XKR9: variants seen among roughly 807,000 people sequenced by gnomAD.
XKR9 encodes the protein XK-related protein 9.
In XKR9, 32 loss-of-function variants were observed where a neutral mutation model predicts 32.0. The observed-to-expected ratio is 1.00, with a 90% CI of 0.76 to 1.34. The LOEUF (loss-of-function observed/expected upper bound fraction) is 1.34, where lower values mean the gene tolerates loss of function less well. XKR9 is among the 40% of genes most tolerant of loss of function. The probability of loss-of-function intolerance (pLI) is 0.00; values close to 1 mark genes in which losing one functional copy is unlikely to be tolerated. For missense variants in XKR9, 546 were observed against 429.7 expected, an observed-to-expected ratio of 1.27 and a Z score of -2.39; for synonymous variants, 168 against 143.4, an observed-to-expected ratio of 1.17 and a Z score of -1.22.
At chr8:70,707,244 A>G in intron 4 of XKR9, 91 bp downstream of exon 4, 3 of 924,836 alleles carry the variant, frequency 3.2e-6, no homozygotes, top group South Asian at 1.9e-5. Context: ...GAAATTTTTA[A>G]TACTTTAAAA....
chr8:70,755,721 G>T (rs1305519052), intron 2 of XKR9, among the ~76,000 whole-genome samples: 1 of 142,534 alleles, frequency 7.0e-6, no homozygotes, highest in Non-Finnish European at 1.5e-5. Flanking sequence ...AGAACCCATG[G>T]ACACGGGAAG....
chr8:70,888,154 A>G, the XKR9 span, among the ~76,000 whole-genome samples: 3 of 152,028 alleles, frequency 2.0e-5, no homozygotes, highest in East Asian at 5.8e-4. Flanking sequence ...ACTTATTCCA[A>G]CTATCTAGCT....
the XKR9 span, among the ~76,000 whole-genome samples, chr8:70,846,888 T>C: frequency 1.3e-5 from 2 of 152,150 alleles, no homozygotes; most frequent in East Asian, 1.9e-4. Flanking sequence ...ACAATAGTTA[T>C]TGGGGACTGC....
intron 3 of XKR9, among the ~76,000 whole-genome samples, chr8:70,703,255 T>A (rs1805602736): frequency 6.6e-6 from 1 of 152,176 alleles, no homozygotes; most frequent in Non-Finnish European, 1.5e-5. Flanking sequence ...TCCTAAAATT[T>A]TCCCCTTTGT....
At chr8:70,752,864 A>C (rs1165393073) in intron 2 of XKR9, among the ~76,000 whole-genome samples, 1 of 152,242 alleles carries the variant, frequency 6.6e-6, no homozygotes, top group Non-Finnish European at 1.5e-5. Flanking sequence ...GAACTAGAAA[A>C]GCAAGAGCAA....
the XKR9 span, among the ~76,000 whole-genome samples, chr8:71,022,948 T>C: frequency 2.6e-5 from 4 of 152,156 alleles, no homozygotes; most frequent in African/African-American, 9.7e-5. Context: ...GCTTTGTTTT[T>C]TTTTAATGAT....
chr8:71,056,031 A>C, the XKR9 span, among the ~76,000 whole-genome samples: 1 of 152,190 alleles, frequency 6.6e-6, no homozygotes, highest in Non-Finnish European at 1.5e-5. Context: ...TTAACCTGCC[A>C]AAAGATGGTC....
At chr8:70,836,622 T>G in the XKR9 span, among the ~76,000 whole-genome samples, 1 of 152,114 alleles carries the variant, frequency 6.6e-6, no homozygotes, top group Non-Finnish European at 1.5e-5. Flanking sequence ...TTTGGGGTTT[T>G]TTTTTGCTTA....
At chr8:70,721,786 G>T (rs1806290176) in intron 4 of XKR9, among the ~76,000 whole-genome samples, 1 of 152,180 alleles carries the variant, frequency 6.6e-6, no homozygotes, top group Non-Finnish European at 1.5e-5. Flanking sequence ...CTGTTGATTT[G>T]GGGTGGAGAA....
chr8:70,855,100 A>T, the XKR9 span, among the ~76,000 whole-genome samples: 2 of 152,038 alleles, frequency 1.3e-5, no homozygotes, highest in Non-Finnish European at 1.5e-5. Context: ...TGAATCTATA[A>T]ATTACCTTGG....
chr8:70,836,701 T>G, the XKR9 span, among the ~76,000 whole-genome samples: 1 of 152,178 alleles, frequency 6.6e-6, no homozygotes, highest in Admixed American at 6.6e-5. Context: ...GCATTCATAT[T>G]TCTTGGGCAA....
intron 4 of XKR9, among the ~76,000 whole-genome samples, chr8:70,732,356 C>G (rs529095914): frequency 2.6e-5 from 4 of 152,342 alleles, no homozygotes; most frequent in Non-Finnish European, 5.9e-5. Context: ...CTCACCAGGA[C>G]TATTTCCGTA....
the XKR9 span, among the ~76,000 whole-genome samples, chr8:70,921,851 C>A: frequency 5.3e-5 from 8 of 152,132 alleles, no homozygotes; most frequent in Admixed American, 5.2e-4. Context: ...ACACCAGATA[C>A]CCTTTTTTTC....
chr8:70,933,438 T>C, the XKR9 span, among the ~76,000 whole-genome samples: 1 of 147,748 alleles, frequency 6.8e-6, no homozygotes, highest in Non-Finnish European at 1.5e-5. Context: ...GAAGAACAGT[T>C]TTTTTTTTTT....
the XKR9 span, among the ~76,000 whole-genome samples, chr8:70,970,252 A>G: frequency 6.6e-6 from 1 of 152,226 alleles, no homozygotes; most frequent in African/African-American, 2.4e-5. Context: ...CTCTGGGTAG[A>G]TACCTCGTAG....
the XKR9 span, among the ~76,000 whole-genome samples, chr8:71,050,274 GATATAGATATAGATATAGATATATAT>G: frequency 1.3e-3 from 70 of 54,402 alleles, no homozygotes; most frequent in Admixed American, 9.9e-3. Context: ...TAGATAGATA[GATATAGATATAGATATAGATATATAT>G]ATAGATATAG....
chr8:70,956,062 TTC>T, the XKR9 span, among the ~76,000 whole-genome samples: 1 of 152,166 alleles, frequency 6.6e-6, no homozygotes, highest in Non-Finnish European at 1.5e-5. Flanking sequence ...GTCGCAGCTC[TTC>T]TCTCCTTCTC....
the XKR9 span, among the ~76,000 whole-genome samples, chr8:70,950,353 C>T: frequency 2.0e-5 from 3 of 152,284 alleles, no homozygotes; most frequent in East Asian, 5.8e-4. Context: ...TCAGGCAGGG[C>T]TTTCTGAGGA....
At chr8:70,879,768 C>T in the XKR9 span, among the ~76,000 whole-genome samples, 1 of 152,136 alleles carries the variant, frequency 6.6e-6, no homozygotes, top group Non-Finnish European at 1.5e-5. Flanking sequence ...CTCCCTAACT[C>T]ATTTTACGAG....
Sources: allele counts gnomAD v4.1 joint callset (sites outside exome capture counted in the v4.1 genomes callset), GRCh38; gene constraint gnomAD v4.1.1; transcripts MANE v1.5; gene names NCBI Gene and HGNC (gene_info 2026-07-23, HGNC 2026-07-21).